Variants in TAS2R1 observed in about 807,000 individuals in gnomAD.
The protein encoded by TAS2R1 is taste receptor type 2 member 1.
For missense variants in TAS2R1, 370 were observed against 353.4 expected (o/e 1.05, Z -0.38); for synonymous variants, 141 against 134.2 (o/e 1.05, Z -0.35).
At chr5:9,797,769 C>G in the TAS2R1 span, among the ~76,000 whole-genome samples, 2 of 152,018 alleles carry the variant, frequency 1.3e-5, no homozygotes, top group Admixed American at 6.6e-5. Flanking sequence ...ATTTTGAACT[C>G]TTTTTGAAAT....
At chr5:9,735,724 C>T in the TAS2R1 span, among the ~76,000 whole-genome samples, 2 of 152,204 alleles carry the variant, frequency 1.3e-5, no homozygotes, top group African/African-American at 4.8e-5. Context: ...TACTTACATC[C>T]CTCGACTCAT....
At chr5:9,796,850 T>C in the TAS2R1 span, among the ~76,000 whole-genome samples, 2 of 151,982 alleles carry the variant, frequency 1.3e-5, no homozygotes, top group Non-Finnish European at 2.9e-5. Context: ...AAAGTTAAAT[T>C]AAAAAGCCCT....
chr5:9,695,150 G>A (rs1194428365), intron 1 of TAS2R1, among the ~76,000 whole-genome samples: 1 of 152,176 alleles, frequency 6.6e-6, no homozygotes, highest in Non-Finnish European at 1.5e-5. Flanking sequence ...AATCACTCAT[G>A]CCTAGTCCAT....
the TAS2R1 span, among the ~76,000 whole-genome samples, chr5:9,752,465 G>T: frequency 3.3e-5 from 5 of 151,994 alleles, no homozygotes; most frequent in Non-Finnish European, 5.9e-5. Flanking sequence ...CTTAAATATT[G>T]GTGCTATCTG....
chr5:9,881,366 A>G, the TAS2R1 span, among the ~76,000 whole-genome samples: 1 of 152,178 alleles, frequency 6.6e-6, no homozygotes, highest in Admixed American at 6.5e-5. Flanking sequence ...AGAGAACACA[A>G]ACAAATGGAA....
At chr5:9,795,176 G>A in the TAS2R1 span, among the ~76,000 whole-genome samples, 10 of 152,178 alleles carry the variant, frequency 6.6e-5, no homozygotes, top group East Asian at 1.9e-4. Flanking sequence ...TCTGGCCATC[G>A]GCTTCTCTAA....
At chr5:9,807,366 T>C in the TAS2R1 span, among the ~76,000 whole-genome samples, 1 of 152,164 alleles carries the variant, frequency 6.6e-6, no homozygotes, top group South Asian at 2.1e-4. Context: ...ACGAAAAGTA[T>C]ATCTATTATT....
At chr5:9,761,137 T>C in the TAS2R1 span, 1 of 152,214 alleles carries the variant, frequency 6.6e-6, no homozygotes, top group Admixed American at 6.5e-5. Context: ...GCTTTTATCT[T>C]ATAAATGGTT....
the TAS2R1 span, among the ~76,000 whole-genome samples, chr5:9,835,511 C>T: frequency 7.9e-5 from 12 of 152,316 alleles, no homozygotes; most frequent in South Asian, 2.3e-3. Context: ...CTTGCTGTCA[C>T]CTATTCAGCC....
chr5:9,823,590 G>T, the TAS2R1 span, among the ~76,000 whole-genome samples: 1 of 142,666 alleles, frequency 7.0e-6, no homozygotes, highest in African/African-American at 2.6e-5. Flanking sequence ...AGGGAAAAAG[G>T]AGGGGAGGGG....
chr5:9,630,067 T>A lies in TAS2R1; in HGVS notation c.-35A>T, dbSNP rs1008997342. ...AAAAAATTATTTACTTAAAAAATAA[T>A]GAAGTTATAAAGTTTTGGACAGGTT... On this transcript the variant is annotated 5_prime_UTR_variant, in exon 1 of 1. Coordinates refer to ENST00000382492, the MANE Select transcript of TAS2R1 (RefSeq NM_019599.3). 3 of 1,497,796 alleles carry A rather than the reference T, an allele frequency of 2.0e-6. No homozygotes were observed. Among genetic ancestry groups the A allele is most frequent in the Non-Finnish European group, 2.7e-6 (3 of 1,126,032 alleles). 92.8% of individuals were successfully genotyped at this position (1,497,796 alleles called of 1,614,324 possible). A position where few individuals can be genotyped will look rare whatever the true frequency, so the allele number is the denominator to read the frequency against.
At chr5:9,751,198 T>C in the TAS2R1 span, among the ~76,000 whole-genome samples, 2 of 151,624 alleles carry the variant, frequency 1.3e-5, no homozygotes, top group Non-Finnish European at 2.9e-5. Flanking sequence ...AAATTGGAAA[T>C]ATATTTGCTT....
At chr5:9,830,864 A>G in the TAS2R1 span, among the ~76,000 whole-genome samples, 43,387 of 152,124 alleles carry the variant, frequency 0.29, 6,952 homozygotes, top group Non-Finnish European at 0.37. Context: ...AGGTGAACAT[A>G]GATATAGAGA....
chr5:9,759,731 C>T, the TAS2R1 span, among the ~76,000 whole-genome samples: 1 of 152,140 alleles, frequency 6.6e-6, no homozygotes, highest in Non-Finnish European at 1.5e-5. Context: ...GTCAGGTTGT[C>T]ACTATTTTTA....
chr5:9,791,368 G>A, the TAS2R1 span, among the ~76,000 whole-genome samples: 1 of 152,182 alleles, frequency 6.6e-6, no homozygotes, highest in South Asian at 2.1e-4. Flanking sequence ...CTCCAACCCT[G>A]GCTGTGCATT....
chr5:9,806,313 A>G, the TAS2R1 span, among the ~76,000 whole-genome samples: 3 of 152,110 alleles, frequency 2.0e-5, no homozygotes, highest in Admixed American at 6.5e-5. Flanking sequence ...TGTGAAAATG[A>G]CCATACAGCC....
the TAS2R1 span, among the ~76,000 whole-genome samples, chr5:9,793,798 G>A: frequency 2.6e-5 from 4 of 152,118 alleles, no homozygotes; most frequent in African/African-American, 9.7e-5. Context: ...AACACCAGGA[G>A]GCATGGACAG....
At chr5:9,667,421 C>T (rs1740656648) in intron 1 of TAS2R1, among the ~76,000 whole-genome samples, 2 of 152,218 alleles carry the variant, frequency 1.3e-5, no homozygotes, top group South Asian at 4.1e-4. Flanking sequence ...CTCTATCCAC[C>T]TTACTTCTTG....
chr5:9,858,034 G>C, the TAS2R1 span, among the ~76,000 whole-genome samples: 1 of 152,134 alleles, frequency 6.6e-6, no homozygotes, highest in Non-Finnish European at 1.5e-5. Flanking sequence ...GGCCATCCCA[G>C]TGCTGGGGGT....
Sources: gnomAD v4.1 joint callset for allele counts (sites outside exome capture counted in the v4.1 genomes callset) on GRCh38, gnomAD v4.1.1 for gene constraint, MANE v1.5 for transcripts, NCBI Gene and HGNC (gene_info 2026-07-23, HGNC 2026-07-21) for gene names.